Variants in MARCHF1 observed in about 807,000 individuals in gnomAD.
The protein encoded by MARCHF1 is membrane associated ring-CH-type finger 1.
MARCHF1 carries 40 observed loss-of-function variants against 54.2 expected under a neutral mutation model. The ratio of observed to expected loss-of-function variants is 0.74; its 90% confidence interval spans 0.57 to 0.96. The LOEUF (loss-of-function observed/expected upper bound fraction) is 0.96, where lower values mean the gene tolerates loss of function less well. Ranked by LOEUF, MARCHF1 falls within the 40% of genes least tolerant of loss-of-function variation. MARCHF1 has a pLI of 0.00. For missense variants in MARCHF1, 586 were observed against 656.5 expected, an observed-to-expected ratio of 0.89 and a Z score of 1.17; for synonymous variants, 236 against 236.3, an observed-to-expected ratio of 1.00 and a Z score of 0.01.
At chr4:163,734,562 A>AAAAAC (rs1745977619) in intron 4 of MARCHF1, among the ~76,000 whole-genome samples, 1 of 151,862 alleles carries the variant, frequency 6.6e-6, no homozygotes. Flanking sequence ...AAAGAAAAAA[A>AAAAAC]AGCTCCTGCT....
chr4:164,254,755 C>T (rs1228989329), intron 1 of MARCHF1, among the ~76,000 whole-genome samples: 1 of 152,048 alleles, frequency 6.6e-6, no homozygotes, highest in Non-Finnish European at 1.5e-5. Flanking sequence ...CTGGTAGGCC[C>T]AGCCTCTCCC....
intron 3 of MARCHF1, among the ~76,000 whole-genome samples, chr4:163,875,358 G>T (rs2111229080): frequency 6.6e-6 from 1 of 152,158 alleles, no homozygotes; most frequent in East Asian, 1.9e-4. Flanking sequence ...ATGTGAAAAG[G>T]CAACTCAGCA....
chr4:164,306,101 T>C (rs1033708710), intron 1 of MARCHF1, among the ~76,000 whole-genome samples: 1 of 152,102 alleles, frequency 6.6e-6, no homozygotes, highest in African/African-American at 2.4e-5. Flanking sequence ...ATACATGAAA[T>C]AAATCTGTGA....
chr4:164,324,070 T>G (rs1253510966), intron 1 of MARCHF1, among the ~76,000 whole-genome samples: 2 of 151,744 alleles, frequency 1.3e-5, no homozygotes, highest in African/African-American at 4.8e-5. Flanking sequence ...AACTTTAAAG[T>G]AAAATATGAA....
chr4:163,696,347 A>G (rs1164396883), intron 5 of MARCHF1, among the ~76,000 whole-genome samples: 3 of 152,188 alleles, frequency 2.0e-5, no homozygotes, highest in Admixed American at 2.0e-4. Context: ...GATCATGTTT[A>G]TAAGACACAG....
At chr4:163,828,443 T>G (rs2111083851) in intron 4 of MARCHF1, among the ~76,000 whole-genome samples, 1 of 152,296 alleles carries the variant, frequency 6.6e-6, no homozygotes, top group Admixed American at 6.5e-5. Flanking sequence ...ACAAGACTTC[T>G]AAATAATGTA....
At chr4:163,897,892 T>TAAA (rs71600649) in intron 3 of MARCHF1, among the ~76,000 whole-genome samples, 44 of 148,844 alleles carry the variant, frequency 3.0e-4, no homozygotes, top group Admixed American at 1.3e-3. Flanking sequence ...CAGTCTCTAC[T>TAAA]AAAAAAAAAC....
At chr4:163,916,225 T>C (rs78071834) in intron 3 of MARCHF1, among the ~76,000 whole-genome samples, 8,013 of 152,312 alleles carry the variant, frequency 0.053, 289 homozygotes, top group Non-Finnish European at 0.084. Flanking sequence ...CTTTGTGATA[T>C]AATGCTGGTT....
intron 4 of MARCHF1, among the ~76,000 whole-genome samples, chr4:163,758,117 C>A (rs1373401157): frequency 6.6e-6 from 1 of 151,940 alleles, no homozygotes; most frequent in Non-Finnish European, 1.5e-5. Context: ...CATTATTTTT[C>A]TCTTTCTAGA....
In MARCHF1 at chr4:163,679,885, C is replaced by T. The variant is rs182699322; in HGVS notation, c.162+20928G>A. ...AAAGTGCTGGGATTACAGGGGTGAG[C>T]CACCGCGCCCGGCCTTTATCTCCGC... On this transcript the variant is annotated intron_variant, in intron 5 of 9. Coordinates refer to ENST00000514618, the MANE Select transcript of MARCHF1 (RefSeq NM_001394959.1). 3.3e-5 allele frequency among the ~76,000 whole-genome samples: 5 copies of T among 152,186 alleles called. No homozygotes were observed. In the East Asian group the frequency reaches 9.7e-4, roughly 29 times the overall value.
At chr4:163,647,588 A>G (rs1208909958) in intron 5 of MARCHF1, among the ~76,000 whole-genome samples, 1 of 152,044 alleles carries the variant, frequency 6.6e-6, no homozygotes. Flanking sequence ...ATAGTATAAA[A>G]CTAGGAAACA....
At chr4:164,090,642 G>A (rs1755278697) in intron 2 of MARCHF1, among the ~76,000 whole-genome samples, 1 of 152,008 alleles carries the variant, frequency 6.6e-6, no homozygotes, top group Non-Finnish European at 1.5e-5. Flanking sequence ...AAACAAAGTA[G>A]TCAAAATCTG....
intron 5 of MARCHF1, among the ~76,000 whole-genome samples, chr4:163,696,726 A>T (rs1744646735): frequency 1.3e-5 from 2 of 152,118 alleles, no homozygotes; most frequent in African/African-American, 4.8e-5. Flanking sequence ...AACCCTTTAA[A>T]CAGCCTTCCC....
At chr4:164,242,687 G>A (rs536034531) in intron 1 of MARCHF1, among the ~76,000 whole-genome samples, 7 of 152,256 alleles carry the variant, frequency 4.6e-5, no homozygotes, top group African/African-American at 9.6e-5. Flanking sequence ...TCTGAGCTAC[G>A]GGAGGACATT....
At chr4:163,655,339 T>C (rs1743100837) in intron 5 of MARCHF1, among the ~76,000 whole-genome samples, 1 of 151,742 alleles carries the variant, frequency 6.6e-6, no homozygotes, top group Admixed American at 6.6e-5. Flanking sequence ...AGAATTCATT[T>C]TATTTTATCT....
chr4:164,008,642 GACC>G (rs1443354206), intron 2 of MARCHF1, among the ~76,000 whole-genome samples: 1 of 151,976 alleles, frequency 6.6e-6, no homozygotes, highest in Non-Finnish European at 1.5e-5. Context: ...TATCTTTTCT[GACC>G]ACAATGGAAT....
At position 164,105,460 on chromosome 4, in the gene MARCHF1, G is replaced by A. The variant is rs1223658722; in HGVS notation, c.-248+6128C>T. On this transcript the variant is annotated intron_variant, in intron 2 of 9. Transcript: ENST00000514618. ...GAACAGAGCCCTCAGAAATAACGCT[G>A]CATATCTACAACTATCTGATCTTTG... Among the ~76,000 whole-genome samples, 44 of 146,724 alleles carry A rather than the reference G, an allele frequency of 3.0e-4. No homozygotes were observed. In the South Asian group the frequency reaches 5.1e-3, roughly 17 times the overall value.
At chr4:164,257,130 A>T (rs1435899909) in intron 1 of MARCHF1, among the ~76,000 whole-genome samples, 3 of 152,290 alleles carry the variant, frequency 2.0e-5, no homozygotes, top group Non-Finnish European at 4.4e-5. Flanking sequence ...ACAAAATTGG[A>T]AACATTAAAA....
At chr4:164,126,204 TAGG>T (rs1279592212) in intron 1 of MARCHF1, among the ~76,000 whole-genome samples, 11 of 152,142 alleles carry the variant, frequency 7.2e-5, no homozygotes, top group Non-Finnish European at 1.6e-4. Flanking sequence ...GTGAGACATT[TAGG>T]AGGTTATTGG....
Sources: gnomAD v4.1 joint callset for allele counts (sites outside exome capture counted in the v4.1 genomes callset) on GRCh38, gnomAD v4.1.1 for gene constraint, MANE v1.5 for transcripts, NCBI Gene and HGNC (gene_info 2026-07-23, HGNC 2026-07-21) for gene names.